Variants in TXLNA observed in about 807,000 individuals in gnomAD.
TXLNA encodes the protein taxilin alpha.
TXLNA carries 9 observed loss-of-function variants against 61.4 expected under a neutral mutation model. The ratio of observed to expected loss-of-function variants is 0.15; its 90% CI spans 0.09 to 0.26. TXLNA has a LOEUF of 0.26. TXLNA is among the 10% of genes least tolerant of loss of function. TXLNA has a pLI of 1.00. For missense variants in TXLNA, 565 were observed against 688.8 expected, an observed-to-expected ratio of 0.82 and a Z score of 2.01; for synonymous variants, 257 against 267.7, an observed-to-expected ratio of 0.96 and a Z score of 0.39.
intron 10 of TXLNA, among the ~76,000 whole-genome samples, chr1:32,194,530 T>C (rs1055078807): frequency 6.6e-6 from 1 of 152,116 alleles, no homozygotes; most frequent in Non-Finnish European, 1.5e-5. Context: ...TGCTGAAAGT[T>C]TTTGGGTTTT....
chr1:32,192,624 C>G lies in TXLNA; in HGVS notation c.1084-33C>G, dbSNP rs770693139. The G allele has an allele frequency of 5.0e-6, 8 of 1,613,442 alleles. No individual in the cohort carries two copies. The highest frequency in any genetic ancestry group is 6.8e-6 in the Non-Finnish European group (8 of 1,179,342). Reference sequence around the variant, plus strand: ...AACCAAACATAGCCCCTGGGGGCTTCTGACAGGATCTGGGGTTCTGTCTTG... The same window carrying G: ...AACCAAACATAGCCCCTGGGGGCTTGTGACAGGATCTGGGGTTCTGTCTTG... On this transcript the variant is annotated intron_variant, in intron 7 of 10. Coordinates refer to ENST00000373610, the MANE Select transcript of TXLNA (RefSeq NM_175852.4). The surrounding 1 kb of genome is among the most constrained non-coding windows in gnomAD (Gnocchi z 4.2).
intron 2 of TXLNA, 150 bp downstream of exon 2, chr1:32,180,664 C>A: frequency 9.4e-7 from 1 of 1,062,416 alleles, no homozygotes; most frequent in Non-Finnish European, 1.3e-6. Context: ...CCCCTGCGCT[C>A]TGGCGAGTTG....
In TXLNA at chr1:32,184,628, C is replaced by G. The variant is rs148469299; in HGVS notation, c.597+12C>G. ...AGTATGCTGAACTGGTCAGTTCCCCCCTCCGCGGGCACCTTCCCTGCGTTG... is the reference window on the plus strand; with the variant it reads ...AGTATGCTGAACTGGTCAGTTCCCCGCTCCGCGGGCACCTTCCCTGCGTTG... On this transcript the variant is annotated intron_variant, in intron 4 of 10. Coordinates refer to ENST00000373610, the MANE Select transcript of TXLNA (RefSeq NM_175852.4). The G allele has an allele frequency of 7.0e-6, 11 of 1,582,494 alleles. No individual in the cohort carries two copies. Among genetic ancestry groups the G allele is most frequent in the African/African-American group, 4.0e-5 (3 of 74,322 alleles).
chr1:32,192,467 A>C lies in TXLNA; in HGVS notation c.1083+37A>C. 1 of 1,432,990 alleles carries C rather than the reference A, an allele frequency of 7.0e-7. No homozygotes were observed. Among genetic ancestry groups the C allele is most frequent in the Non-Finnish European group, 9.5e-7 (1 of 1,056,228 alleles). 88.8% of individuals were successfully genotyped at this position (1,432,990 alleles called of 1,614,324 possible). On this transcript the variant is annotated intron_variant, in intron 7 of 10. Transcript: ENST00000373610. This position sits in a 1 kb window ranked among gnomAD's most constrained non-coding sequence, Gnocchi z 4.2. The stretch of plus-strand genomic sequence containing the variant: ...GCCCCAGGGTTGGGGTGGGGGTGGG[A>C]GGAGACAGGCTGGGCTCTGGCTCAG...
intron 5 of TXLNA, among the ~76,000 whole-genome samples, chr1:32,189,816 C>T (rs1223863823): frequency 2.0e-5 from 3 of 152,162 alleles, no homozygotes; most frequent in East Asian, 1.9e-4. Flanking sequence ...GCTGGGATTA[C>T]AGGCGTGAGC....
In TXLNA at chr1:32,195,744, G is replaced by A. The variant is rs974163959; in HGVS notation, c.*549G>A. On this transcript the variant is annotated 3_prime_UTR_variant, in exon 11 of 11. Coordinates refer to ENST00000373610, the MANE Select transcript of TXLNA (RefSeq NM_175852.4). The stretch of plus-strand genomic sequence containing the variant: ...AGCCCTGGCAGGGCGCTCAGAGCTG[G>A]GGATTTCCTGCCTGGAACAAGGGAC... The A allele has an allele frequency of 2.2e-5, 10 of 456,366 alleles. 1 individual carries two copies. The Admixed American group carries it at 2.3e-4, about 11-fold the overall frequency. 28.3% of individuals were successfully genotyped at this position (456,366 alleles called of 1,614,324 possible). A position where few individuals can be genotyped will look rare whatever the true frequency, so the allele number is the denominator to read the frequency against.
intron 4 of TXLNA, among the ~76,000 whole-genome samples, chr1:32,187,114 C>G (rs976468468): frequency 2.6e-5 from 4 of 152,022 alleles, no homozygotes; most frequent in Non-Finnish European, 4.4e-5. Flanking sequence ...GTTGGCCAGG[C>G]TGGTCTTGAA....
intron 5 of TXLNA, among the ~76,000 whole-genome samples, chr1:32,189,704 C>T (rs1392265516): frequency 6.6e-6 from 1 of 152,022 alleles, no homozygotes; most frequent in African/African-American, 2.4e-5. Flanking sequence ...ACCATCACGC[C>T]GGCTAATTTT....
intron 4 of TXLNA, among the ~76,000 whole-genome samples, chr1:32,187,462 C>T (rs902165998): frequency 6.6e-6 from 1 of 152,100 alleles, no homozygotes; most frequent in Non-Finnish European, 1.5e-5. Flanking sequence ...GAAGGATTAT[C>T]TGTTGATACT....
chr1:32,193,871 G>C (rs1291098963), intron 9 of TXLNA, among the ~76,000 whole-genome samples, 194 bp from the exon 10 acceptor site: 1 of 152,098 alleles, frequency 6.6e-6, no homozygotes, highest in Non-Finnish European at 1.5e-5. Flanking sequence ...ACCATTCCTT[G>C]TTATTGGTGG....
intron 4 of TXLNA, among the ~76,000 whole-genome samples, chr1:32,186,607 A>G (rs1397573009): frequency 6.6e-6 from 1 of 152,120 alleles, no homozygotes; most frequent in Non-Finnish European, 1.5e-5. Flanking sequence ...CAAGCCAGGT[A>G]ATGTAGTTAT....
At chr1:32,194,293 T>C in intron 10 of TXLNA, 133 bp downstream of exon 10, 1 of 745,624 alleles carries the variant, frequency 1.3e-6, no homozygotes. Flanking sequence ...AATGTCCAAG[T>C]CCAAAGTTAA....
In TXLNA at chr1:32,192,218, G is replaced by T; in HGVS notation, c.964-93G>T. 6.5e-7 allele frequency: 1 copy of T among 1,548,378 alleles called. No homozygotes were observed. Among genetic ancestry groups the T allele is most frequent in the Non-Finnish European group, 8.8e-7 (1 of 1,138,688 alleles). On this transcript the variant is annotated intron_variant, in intron 6 of 10. Transcript: ENST00000373610. The surrounding 1 kb of genome is among the most constrained non-coding windows in gnomAD (Gnocchi z 4.2). ...GTCCATCATATCAGATTGAGATGGGGGGCTGGGCAAAGTGCCCTGGTCTGT... is the reference window on the plus strand; with the variant it reads ...GTCCATCATATCAGATTGAGATGGGTGGCTGGGCAAAGTGCCCTGGTCTGT...
At chr1:32,190,783 C>T (rs756167868) in intron 6 of TXLNA, among the ~76,000 whole-genome samples, 27 of 152,150 alleles carry the variant, frequency 1.8e-4, no homozygotes, top group Non-Finnish European at 3.5e-4. Context: ...CCTTGCTGCT[C>T]CTGCCACTCA....
intron 6 of TXLNA, among the ~76,000 whole-genome samples, chr1:32,191,675 C>T (rs1483568553): frequency 6.6e-6 from 1 of 152,152 alleles, no homozygotes; most frequent in African/African-American, 2.4e-5. Flanking sequence ...CTCATCATAC[C>T]CAAACTGGAC....
rs921154124 is a variant in TXLNA at position 32,198,104 on chromosome 1, T to G, written c.*2909T>G. 1 of 152,254 alleles carries G rather than the reference T, an allele frequency of 6.6e-6. No individual in the cohort carries two copies. The highest frequency in any genetic ancestry group is 1.5e-5 in the Non-Finnish European group (1 of 68,058). The allele number at this position is 152,254 out of a possible 1,614,324, so 9.4% of individuals were successfully genotyped here. ...AGCCAGGCACCTGCTCCTCTTGCCC[T>G]TCCTGGGGGAAGGGAGCTGCCTTCT... On this transcript the variant is annotated 3_prime_UTR_variant, in exon 11 of 11. Coordinates refer to ENST00000373610, the MANE Select transcript of TXLNA (RefSeq NM_175852.4).
At chr1:32,187,624 T>C (rs1642815852) in intron 4 of TXLNA, among the ~76,000 whole-genome samples, 1 of 152,140 alleles carries the variant, frequency 6.6e-6, no homozygotes, top group Admixed American at 6.5e-5. Flanking sequence ...CGGGCATGAG[T>C]GTCCAGCAAG....
In TXLNA at chr1:32,183,423, C is replaced by CTTTT. The variant is rs1162538631; in HGVS notation, c.506-1083_506-1080dup. On this transcript the variant is annotated intron_variant, in intron 3 of 10. Coordinates refer to ENST00000373610, the MANE Select transcript of TXLNA (RefSeq NM_175852.4). ...ACAGGCGTGGGCCACCGTACCCTGC[C>CTTTT]TTTTTTTTTTTTTTTTTTTTTTGAG... Among the ~76,000 whole-genome samples, 47 of 91,812 alleles carry CTTTT rather than the reference C, an allele frequency of 5.1e-4. 1 individual carries two copies. The highest frequency in any genetic ancestry group is 1.4e-3 in the African/African-American group (31 of 22,780). The allele number at this position is 91,812 out of a possible 152,430, so 60.2% of individuals were successfully genotyped here.
intron 6 of TXLNA, among the ~76,000 whole-genome samples, chr1:32,191,715 C>G (rs1301124772): frequency 6.6e-6 from 1 of 152,100 alleles, no homozygotes; most frequent in East Asian, 1.9e-4. Flanking sequence ...CCTTCCCCAT[C>G]CAAAAAAATG....
Sources: gnomAD v4.1 joint callset for allele counts (sites outside exome capture counted in the v4.1 genomes callset) on GRCh38, gnomAD v4.1.1 for gene constraint, Gnocchi (gnomAD v3.1) non-coding constraint, MANE v1.5 for transcripts, NCBI Gene and HGNC (gene_info 2026-07-23, HGNC 2026-07-21) for gene names.